SLC24A2: variants seen among roughly 807,000 people sequenced by gnomAD.
SLC24A2 encodes the protein sodium/potassium/calcium exchanger 2.
A neutral mutation model predicts 62.0 loss-of-function variants in SLC24A2; 36 were observed. The observed-to-expected ratio is 0.58, with a 90% CI of 0.44 to 0.77. The LOEUF (loss-of-function observed/expected upper bound fraction) is 0.77. SLC24A2 is among the 30% of genes least tolerant of loss of function. SLC24A2 has a pLI of 0.00. For synonymous variants in SLC24A2, 358 were observed against 294.0 expected (o/e 1.22, Z -2.23); for missense variants, 846 against 817.9 (o/e 1.03, Z -0.42).
In SLC24A2 at chr9:19,683,589, G is replaced by C. The variant is rs148262817; in HGVS notation, c.931-61290C>G. ...ACATAAATTTATTTTTTCATGAAATGTGTGTTCAACCAAACCTCACTAACA... is the reference window on the plus strand; with the variant it reads ...ACATAAATTTATTTTTTCATGAAATCTGTGTTCAACCAAACCTCACTAACA... On this transcript the variant is annotated intron_variant, in intron 2 of 10. Coordinates refer to ENST00000341998, the MANE Select transcript of SLC24A2 (RefSeq NM_020344.4). Among the ~76,000 whole-genome samples, 39 of 148,018 alleles carry C rather than the reference G, an allele frequency of 2.6e-4. No homozygotes were observed. The East Asian group carries it at 7.8e-3, about 29-fold the overall frequency.
At chr9:19,655,478 T>A (rs1392754331) in intron 2 of SLC24A2, among the ~76,000 whole-genome samples, 1 of 152,212 alleles carries the variant, frequency 6.6e-6, no homozygotes, top group Admixed American at 6.5e-5. Flanking sequence ...TTATGCCTAA[T>A]GGTCTCTATT....
the SLC24A2 span, among the ~76,000 whole-genome samples, chr9:20,192,994 C>G: frequency 1.3e-5 from 2 of 152,154 alleles, no homozygotes; most frequent in Admixed American, 1.3e-4. Context: ...CCCCAGCACA[C>G]AGTATAGTGC....
the SLC24A2 span, among the ~76,000 whole-genome samples, chr9:19,857,155 G>A: frequency 1.9e-3 from 290 of 152,276 alleles, 1 homozygote; most frequent in Middle Eastern, 6.8e-3. Flanking sequence ...CTATTTCTCC[G>A]CCTAGAAGAT....
At chr9:20,147,962 A>G in the SLC24A2 span, among the ~76,000 whole-genome samples, 1 of 152,058 alleles carries the variant, frequency 6.6e-6, no homozygotes, top group African/African-American at 2.4e-5. Context: ...AGAATGCTTT[A>G]CCTCCACAAT....
chr9:19,881,219 C>A, the SLC24A2 span, among the ~76,000 whole-genome samples: 16 of 151,970 alleles, frequency 1.1e-4, 1 homozygote, highest in African/African-American at 3.9e-4. Context: ...GACTGAGACC[C>A]GAGATCCTCC....
the SLC24A2 span, among the ~76,000 whole-genome samples, chr9:20,203,970 AAC>A: frequency 9.5e-5 from 14 of 147,730 alleles, no homozygotes; most frequent in Non-Finnish European, 2.1e-4. Flanking sequence ...TGTTTTCAGA[AAC>A]AGAGTCACAT....
chr9:20,156,502 C>T, the SLC24A2 span, among the ~76,000 whole-genome samples: 3 of 151,764 alleles, frequency 2.0e-5, no homozygotes, highest in Non-Finnish European at 2.9e-5. Flanking sequence ...CTGCTGGATC[C>T]TATTTGCAAC....
the SLC24A2 span, among the ~76,000 whole-genome samples, chr9:20,196,186 T>C: frequency 6.6e-6 from 1 of 152,196 alleles, no homozygotes; most frequent in East Asian, 1.9e-4. Flanking sequence ...ACAATATGTA[T>C]AAAAAATCAA....
At chr9:20,027,852 A>G in the SLC24A2 span, among the ~76,000 whole-genome samples, 3 of 152,236 alleles carry the variant, frequency 2.0e-5, no homozygotes, top group African/African-American at 4.8e-5. Flanking sequence ...TATAACCACT[A>G]CTCAATGTAT....
In SLC24A2 at chr9:19,676,050, A is replaced by ACTGTATTTTGCTCAG. The variant is rs1238034011; in HGVS notation, c.931-53752_931-53751insCTGAGCAAAATACAG. Among the ~76,000 whole-genome samples, 9 of 152,264 alleles carry ACTGTATTTTGCTCAG rather than the reference A, an allele frequency of 5.9e-5. No individual in the cohort carries two copies. In the South Asian group the frequency reaches 8.3e-4, roughly 14 times the overall value. On this transcript the variant is annotated intron_variant, in intron 2 of 10. Transcript: ENST00000341998. ...ACCAAGAGCCCATAGGGCTCTTCCC[A>ACTGTATTTTGCTCAG]CTGCTACTTCTACCCCTGTATTTTG... is the stretch of plus-strand genomic sequence containing the variant.
chr9:20,048,801 C>G, the SLC24A2 span, among the ~76,000 whole-genome samples: 1 of 151,608 alleles, frequency 6.6e-6, no homozygotes, highest in African/African-American at 2.4e-5. Context: ...GTAGCAAAAC[C>G]AAAGTTTAAA....
chr9:19,791,266 A>C (rs778517420), upstream of SLC24A2, among the ~76,000 whole-genome samples: 1 of 151,876 alleles, frequency 6.6e-6, no homozygotes, highest in Non-Finnish European at 1.5e-5. Flanking sequence ...GAAAGAGTGA[A>C]GGGTGAAAGG....
chr9:20,193,774 A>T, the SLC24A2 span, among the ~76,000 whole-genome samples: 1 of 152,140 alleles, frequency 6.6e-6, no homozygotes, highest in Non-Finnish European at 1.5e-5. Context: ...GTATCTACTG[A>T]AAGTTATTTG....
chr9:20,104,877 A>G, the SLC24A2 span, among the ~76,000 whole-genome samples: 1 of 152,224 alleles, frequency 6.6e-6, no homozygotes, highest in Non-Finnish European at 1.5e-5. Context: ...AATGGACTAA[A>G]TGCTCCAATT....
the SLC24A2 span, among the ~76,000 whole-genome samples, chr9:20,095,113 G>C: frequency 6.6e-6 from 1 of 152,118 alleles, no homozygotes; most frequent in South Asian, 2.1e-4. Flanking sequence ...ACAATGAAGA[G>C]ATTTGCAAAC....
chr9:19,995,007 G>A, the SLC24A2 span, among the ~76,000 whole-genome samples: 1 of 151,492 alleles, frequency 6.6e-6, no homozygotes, highest in Admixed American at 6.6e-5. Context: ...TTCAGTAGGA[G>A]GAAATGCCAT....
chr9:19,712,170 A>G (rs888212930), intron 2 of SLC24A2, among the ~76,000 whole-genome samples: 1 of 152,200 alleles, frequency 6.6e-6, no homozygotes, highest in African/African-American at 2.4e-5. Flanking sequence ...AGTCAGTTCC[A>G]CGTTTAGGAC....
the SLC24A2 span, among the ~76,000 whole-genome samples, chr9:20,100,898 C>T: frequency 6.6e-6 from 1 of 152,166 alleles, no homozygotes; most frequent in Non-Finnish European, 1.5e-5. Flanking sequence ...TTCTTACAGA[C>T]ATTTTCTTCC....
chr9:19,916,992 T>TTTTG, the SLC24A2 span, among the ~76,000 whole-genome samples: 1 of 148,282 alleles, frequency 6.7e-6, no homozygotes, highest in East Asian at 2.0e-4. Flanking sequence ...TTTTTTTTTT[T>TTTTG]TTTTTTTTTT....
Sources: gnomAD v4.1 joint callset for allele counts (sites outside exome capture counted in the v4.1 genomes callset) on GRCh38, gnomAD v4.1.1 for gene constraint, MANE v1.5 for transcripts, NCBI Gene and HGNC (gene_info 2026-07-23, HGNC 2026-07-21) for gene names.